Variants in PTPRM observed in about 807,000 individuals in gnomAD.
PTPRM encodes protein tyrosine phosphatase receptor type M.
Under a neutral mutation model 186.7 loss-of-function variants are expected in PTPRM, and 47 were observed. That is an observed-to-expected ratio of 0.25 (90% CI 0.20 to 0.32). The LOEUF (loss-of-function observed/expected upper bound fraction) is 0.32. PTPRM is among the 10% of genes least tolerant of loss of function. PTPRM has a pLI of 1.00. For synonymous variants in PTPRM, 668 were observed against 674.9 expected (o/e 0.99, Z 0.16); for missense variants, 1,494 against 1,865.0 (o/e 0.80, Z 3.66).
At chr18:8,286,898 A>T (rs2094962788) in intron 19 of PTPRM, among the ~76,000 whole-genome samples, 1 of 152,170 alleles carries the variant, frequency 6.6e-6, no homozygotes, top group South Asian at 2.1e-4. Flanking sequence ...TAGGTGTCAA[A>T]AAAAGAGTCA....
chr18:8,125,280 G>C (rs1320307850), intron 13 of PTPRM, among the ~76,000 whole-genome samples: 2 of 151,928 alleles, frequency 1.3e-5, no homozygotes, highest in African/African-American at 4.8e-5. Flanking sequence ...TGTCAGGAGG[G>C]TTCCAGAGAA....
chr18:7,795,565 G>C (rs1431223186), intron 2 of PTPRM, among the ~76,000 whole-genome samples: 3 of 151,746 alleles, frequency 2.0e-5, no homozygotes, highest in Non-Finnish European at 2.9e-5. Flanking sequence ...AGAGTGTTAT[G>C]ATGGTCAGTT....
chr18:8,145,067 T>A lies in PTPRM; in HGVS notation c.2300+1288T>A, dbSNP rs191602598. 4.6e-5 allele frequency among the ~76,000 whole-genome samples: 7 copies of A among 152,186 alleles called. No individual in the cohort carries two copies. In the East Asian group the frequency reaches 1.4e-3, roughly 30 times the overall value. ...TAGGAATATAACTCTAACGTTAGGA[T>A]TGGACACAGTGAGGAGGGGAGAGAG... On this transcript the variant is annotated intron_variant, in intron 14 of 32. Coordinates refer to ENST00000580170, the MANE Select transcript of PTPRM (RefSeq NM_001105244.2).
At chr18:7,653,767 G>T (rs1190678724) in intron 1 of PTPRM, among the ~76,000 whole-genome samples, 3 of 152,160 alleles carry the variant, frequency 2.0e-5, no homozygotes, top group East Asian at 1.9e-4. Flanking sequence ...GAATAGTGCT[G>T]CAGTGAACAT....
intron 14 of PTPRM, among the ~76,000 whole-genome samples, chr18:8,157,658 T>C (rs981084839): frequency 5.9e-5 from 9 of 152,242 alleles, no homozygotes; most frequent in Admixed American, 1.3e-4. Context: ...CCCAGGCTCC[T>C]ACTCAGTCAA....
At chr18:7,735,819 A>G (rs183602921) in intron 1 of PTPRM, among the ~76,000 whole-genome samples, 2 of 150,898 alleles carry the variant, frequency 1.3e-5, no homozygotes, top group African/African-American at 4.9e-5. Context: ...GGCTTCCACA[A>G]CTTCCCTTAT....
At chr18:8,109,881 C>T (rs901779193) in intron 11 of PTPRM, among the ~76,000 whole-genome samples, 1 of 152,140 alleles carries the variant, frequency 6.6e-6, no homozygotes, top group Admixed American at 6.5e-5. Context: ...CCCTTAGGTT[C>T]ATTATTTAAT....
intron 3 of PTPRM, among the ~76,000 whole-genome samples, chr18:7,893,795 G>A (rs551035061): frequency 1.3e-5 from 2 of 152,242 alleles, no homozygotes; most frequent in South Asian, 4.2e-4. Flanking sequence ...TGTAGATGCG[G>A]CAAGAGAAAT....
At chr18:7,915,388 T>C (rs147760871) in intron 4 of PTPRM, among the ~76,000 whole-genome samples, 38 of 152,238 alleles carry the variant, frequency 2.5e-4, no homozygotes, top group African/African-American at 8.2e-4. Flanking sequence ...TGAGATAGAT[T>C]GAAATTTCTG....
intron 13 of PTPRM, among the ~76,000 whole-genome samples, chr18:8,129,426 T>C (rs2092449394): frequency 6.6e-6 from 1 of 152,226 alleles, no homozygotes; most frequent in Admixed American, 6.5e-5. Context: ...ATACCAATTG[T>C]GATATTTTGA....
At chr18:8,242,900 T>C (rs2094444809) in intron 14 of PTPRM, among the ~76,000 whole-genome samples, 1 of 152,258 alleles carries the variant, frequency 6.6e-6, no homozygotes, top group Non-Finnish European at 1.5e-5. Context: ...AGTGTCAAGA[T>C]GATTTACTAG....
At chr18:8,252,324 G>A (rs1254157676) in intron 17 of PTPRM, among the ~76,000 whole-genome samples, 164 bp from the exon 18 acceptor site, 1 of 152,238 alleles carries the variant, frequency 6.6e-6, no homozygotes, top group Non-Finnish European at 1.5e-5. Context: ...TAACGTGATG[G>A]AAGAATTGAG....
intron 1 of PTPRM, among the ~76,000 whole-genome samples, chr18:7,730,353 C>A (rs2040633245): frequency 6.6e-6 from 1 of 152,108 alleles, no homozygotes; most frequent in Non-Finnish European, 1.5e-5. Context: ...TCTATGTTAC[C>A]CCTAAGGATG....
At chr18:8,211,069 A>G (rs984773815) in intron 14 of PTPRM, among the ~76,000 whole-genome samples, 10 of 152,228 alleles carry the variant, frequency 6.6e-5, no homozygotes, top group African/African-American at 2.4e-5. Flanking sequence ...TAGGATCAAA[A>G]TCCTCACTGG....
chr18:8,289,561 CACATATATATATAT>C (rs2095012462), intron 19 of PTPRM, among the ~76,000 whole-genome samples: 2 of 76,870 alleles, frequency 2.6e-5, no homozygotes, highest in Non-Finnish European at 5.0e-5. Context: ...CATATATATA[CACATATATATATAT>C]ACATATATAT....
At chr18:7,578,582 A>G (rs578003057) in intron 1 of PTPRM, among the ~76,000 whole-genome samples, 31 of 150,678 alleles carry the variant, frequency 2.1e-4, no homozygotes, top group East Asian at 2.0e-3. Context: ...TGATCCGCCC[A>G]CCTTGGCCTC....
chr18:8,260,400 G>T (rs1305073156), intron 19 of PTPRM, among the ~76,000 whole-genome samples: 2 of 152,090 alleles, frequency 1.3e-5, no homozygotes, highest in African/African-American at 4.8e-5. Flanking sequence ...CTGGACTCAA[G>T]TGATCCTCCC....
At chr18:8,383,635 T>C (rs1207382950) in intron 29 of PTPRM, among the ~76,000 whole-genome samples, 1 of 152,174 alleles carries the variant, frequency 6.6e-6, no homozygotes, top group Non-Finnish European at 1.5e-5. Flanking sequence ...CTGTAGGAAA[T>C]TGCTTTTTTA....
intron 22 of PTPRM, among the ~76,000 whole-genome samples, chr18:8,323,464 C>A (rs2095357933): frequency 6.6e-6 from 1 of 152,190 alleles, no homozygotes. Context: ...ATAGTCATGT[C>A]TGAAAATACA....
Sources: gnomAD v4.1 joint callset for allele counts (sites outside exome capture counted in the v4.1 genomes callset) on GRCh38, gnomAD v4.1.1 for gene constraint, MANE v1.5 for transcripts, NCBI Gene and HGNC (gene_info 2026-07-23, HGNC 2026-07-21) for gene names.